Variants in SCLY observed in about 807,000 individuals in gnomAD.
SCLY encodes the protein putative selenocysteine lyase.
In SCLY, 38 loss-of-function variants were observed where a neutral mutation model predicts 50.1. The ratio of observed to expected loss-of-function variants is 0.76; its 90% CI spans 0.59 to 0.99. SCLY has a LOEUF of 0.99. Among genes scored for constraint, SCLY ranks in the 50% least tolerant of loss-of-function variants. The probability of loss-of-function intolerance (pLI) is 0.00; values close to 1 mark genes in which losing one functional copy is unlikely to be tolerated. For missense variants in SCLY, 600 were observed against 620.0 expected (o/e 0.97, Z 0.34); for synonymous variants, 243 against 249.4 (o/e 0.97, Z 0.24).
In SCLY at chr2:238,064,435, A is replaced by T. The variant is rs770362087; in HGVS notation, c.168A>T (p.Glu56Asp). Residue 56 changes from glutamate (E) to aspartate (D), a missense_variant, in exon 2 of 12, where the codon GAA becomes GAT. Coordinates refer to ENST00000254663, the MANE Select transcript of SCLY (RefSeq NM_016510.7). ...VIQAMTKAMW[E>D]AWGNPSSPYS... Reference sequence around the variant, plus strand: ...AGGCCATGACCAAGGCCATGTGGGAAGCCTGGGGAAATCCCAGCAGCCCGT... The same window carrying T: ...AGGCCATGACCAAGGCCATGTGGGATGCCTGGGGAAATCCCAGCAGCCCGT... 3.7e-6 allele frequency: 6 copies of T among 1,610,546 alleles called. No individual in the cohort carries two copies. The highest frequency in any genetic ancestry group is 8.5e-7 in the Non-Finnish European group (1 of 1,178,566).
Position 238,081,751 on chromosome 2 carries a change from A to G in SCLY, c.527A>G (p.Glu176Gly), listed in dbSNP as rs781461736. 2.2e-5 allele frequency: 35 copies of G among 1,614,098 alleles called. No individual in the cohort carries two copies. The highest frequency in any genetic ancestry group is 2.5e-5 in the Non-Finnish European group (30 of 1,180,046). ...VPVSKVSGQA[E>G]VDDILAAVRP... The stretch of plus-strand genomic sequence containing the variant: ...GTGTCCAAGGTGAGCGGGCAGGCAG[A>G]GGTGGACGACATCCTCGCGGCAGTC... The change falls in exon 5 of 12, where the codon GAG (glutamate) becomes GGG (glycine). Residue 176 changes from glutamate (E) to glycine (G), a missense_variant. Physicochemically the swap from Glu to Gly is moderately conservative, Grantham distance 98 (BLOSUM62 -2). Transcript: ENST00000254663.
At chr2:238,061,188 G>T (rs557565350) in intron 1 of SCLY, 45 bp downstream of exon 1, 6 of 1,395,850 alleles carry the variant, frequency 4.3e-6, no homozygotes, top group Non-Finnish European at 5.9e-6. Flanking sequence ...GGCGCCTGTC[G>T]CCGATTGTCC....
Position 238,061,150 on chromosome 2 carries a change from G to T in SCLY, c.89+7G>T, listed in dbSNP as rs774157039. On this transcript the variant is annotated splice_region_variant and intron_variant, in intron 1 of 11. Coordinates refer to ENST00000254663, the MANE Select transcript of SCLY (RefSeq NM_016510.7). ...AACACAACTCGCCGGAGAGGTGCGC[G>T]CCTTTAGGGCAGGGCTGGGGAGCGG... 6.7e-6 allele frequency: 10 copies of T among 1,487,286 alleles called. No homozygotes were observed. Among genetic ancestry groups the T allele is most frequent in the Middle Eastern group, 3.7e-4 (2 of 5,454 alleles). 92.1% of individuals were successfully genotyped at this position (1,487,286 alleles called of 1,614,324 possible). A position where few individuals can be genotyped will look rare whatever the true frequency, so the allele number is the denominator to read the frequency against.
chr2:238,076,676 C>A (rs1026656765), intron 4 of SCLY, among the ~76,000 whole-genome samples: 13 of 150,112 alleles, frequency 8.7e-5, no homozygotes, highest in Non-Finnish European at 1.5e-4. Context: ...CCTGCCAAAT[C>A]CCCCTCGGTG....
At chr2:238,086,438 C>T (rs188944421) in intron 7 of SCLY, among the ~76,000 whole-genome samples, 14 of 152,316 alleles carry the variant, frequency 9.2e-5, no homozygotes, top group African/African-American at 2.2e-4. Flanking sequence ...CAGGCTGACA[C>T]GATGGCTCAC....
intron 8 of SCLY, chr2:238,091,561 G>GTTAT: frequency 6.6e-6 from 2 of 302,724 alleles, no homozygotes; most frequent in Non-Finnish European, 1.3e-5. Context: ...ATTCCCAAAG[G>GTTAT]CGTCGGCAGC....
chr2:238,067,290 AGCTTTTTATAT>A lies in SCLY; in HGVS notation c.203-774_203-764del, dbSNP rs1366675923. Among the ~76,000 whole-genome samples the A allele has an allele frequency of 1.2e-4, 19 of 152,190 alleles. No individual in the cohort carries two copies. The highest frequency in any genetic ancestry group is 2.4e-4 in the Non-Finnish European group (16 of 68,026). ...TTACTTTGCATATTTATTTTACCTC[AGCTTTTTATAT>A]TTCTCTTTTTTATGATGTTTCGTAA... is the stretch of plus-strand genomic sequence containing the variant. On this transcript the variant is annotated intron_variant, in intron 2 of 11. Coordinates refer to ENST00000254663, the MANE Select transcript of SCLY (RefSeq NM_016510.7). This position sits in a 1 kb window ranked among gnomAD's most constrained non-coding sequence, Gnocchi z 4.3.
chr2:238,076,016 C>CTTTCT (rs992045041), intron 4 of SCLY, among the ~76,000 whole-genome samples: 14 of 132,034 alleles, frequency 1.1e-4, no homozygotes, highest in Admixed American at 8.2e-4. Context: ...TGGGTTCTTT[C>CTTTCT]TTTCTACTTG....
At chr2:238,096,581 C>T (rs1164455312) in intron 10 of SCLY, among the ~76,000 whole-genome samples, 1 of 152,214 alleles carries the variant, frequency 6.6e-6, no homozygotes, top group Non-Finnish European at 1.5e-5. Flanking sequence ...CTTTGTGAGG[C>T]AGAATAGTGT....
chr2:238,077,724 C>T (rs1187382974), intron 4 of SCLY, among the ~76,000 whole-genome samples: 8 of 152,212 alleles, frequency 5.3e-5, no homozygotes, highest in South Asian at 2.1e-4. Context: ...GAGACTTTCC[C>T]GGCCAGGCAG....
chr2:238,093,966 C>A, intron 9 of SCLY, 22 bp downstream of exon 9: 2 of 1,605,434 alleles, frequency 1.2e-6, no homozygotes, highest in Non-Finnish European at 1.7e-6. Flanking sequence ...GTGGGGTGGG[C>A]ACCAGGAGGG....
intron 8 of SCLY, chr2:238,091,554 C>CTACA: frequency 2.9e-6 from 1 of 349,666 alleles, no homozygotes; most frequent in South Asian, 3.4e-5. Flanking sequence ...GTTCACCATT[C>CTACA]CCAAAGGCGT....
In SCLY at chr2:238,069,484, G is replaced by A. The variant is rs1297812174; in HGVS notation, c.484+7G>A. 3 of 1,609,772 alleles carry A rather than the reference G, an allele frequency of 1.9e-6. No homozygotes were observed. ...GTGGAAGAACAAGTGGCAGGTGAGT[G>A]AGTGCAGGGTGGCCCTGGGACCAGC... is the stretch of plus-strand genomic sequence containing the variant. On this transcript the variant is annotated splice_region_variant and intron_variant, in intron 4 of 11. Transcript: ENST00000254663. This position sits in a 1 kb window ranked among gnomAD's most constrained non-coding sequence, Gnocchi z 5.0.
chr2:238,094,651 T>A, intron 10 of SCLY, 129 bp downstream of exon 10: 1 of 767,926 alleles, frequency 1.3e-6, no homozygotes, highest in Non-Finnish European at 2.2e-6. Flanking sequence ...TCAGAGGGCC[T>A]TGCTGGGGTT....
intron 4 of SCLY, chr2:238,079,707 A>T (rs1319391452): frequency 2.0e-5 from 3 of 152,086 alleles, no homozygotes; most frequent in Non-Finnish European, 4.4e-5. Flanking sequence ...ATTGCGAGAT[A>T]GTTTCTCTGT....
At position 238,069,528 on chromosome 2, in the gene SCLY, G is replaced by A. The variant is rs775484632; in HGVS notation, c.484+51G>A. On this transcript the variant is annotated intron_variant, in intron 4 of 11. Coordinates refer to ENST00000254663, the MANE Select transcript of SCLY (RefSeq NM_016510.7). The surrounding 1 kb of genome is among the most constrained non-coding windows in gnomAD (Gnocchi z 5.0). ...GACCAGCCTGCTGAGCTCCAGCTGC[G>A]AGGCGGGAAGTGGCCTGCGAGCAGA... The A allele has an allele frequency of 7.3e-6, 11 of 1,514,022 alleles. No individual in the cohort carries two copies. The highest frequency in any genetic ancestry group is 7.0e-5 in the East Asian group (3 of 42,652). The allele number at this position is 1,514,022 out of a possible 1,614,324, so 93.8% of individuals were successfully genotyped here.
chr2:238,071,390 T>C (rs962877821), intron 4 of SCLY, among the ~76,000 whole-genome samples: 2 of 152,126 alleles, frequency 1.3e-5, no homozygotes, highest in Admixed American at 6.5e-5. Flanking sequence ...ACAGATCACT[T>C]GAGGTCAGGA....
chr2:238,070,678 GAA>G (rs1010078592), intron 4 of SCLY, among the ~76,000 whole-genome samples: 3 of 151,068 alleles, frequency 2.0e-5, no homozygotes, highest in Non-Finnish European at 4.4e-5. Context: ...CATCTCAGGG[GAA>G]AAAAAAATTT....
In SCLY at chr2:238,064,488, CGT is replaced by C; in HGVS notation, c.202+22_202+23del. The stretch of plus-strand genomic sequence containing the variant: ...TCAGCAGGTAATTCTAGAAGATGCA[CGT>C]GTTCACTGATGGGAGATAATGGGGA... On this transcript the variant is annotated intron_variant, in intron 2 of 11. Transcript: ENST00000254663. The C allele has an allele frequency of 1.3e-6, 2 of 1,551,246 alleles. No individual in the cohort carries two copies. The highest frequency in any genetic ancestry group is 1.8e-6 in the Non-Finnish European group (2 of 1,133,262).
Sources: allele counts gnomAD v4.1 joint callset (sites outside exome capture counted in the v4.1 genomes callset), GRCh38; gene constraint gnomAD v4.1.1; non-coding constraint Gnocchi (gnomAD v3.1); transcripts MANE v1.5; gene names NCBI Gene and HGNC (gene_info 2026-07-23, HGNC 2026-07-21).